The following MPRIP variants were observed in gnomAD, a reference collection of about 807,000 sequenced individuals.
MPRIP encodes myosin phosphatase Rho interacting protein.
Under a neutral mutation model 234.9 loss-of-function variants are expected in MPRIP, and 59 were observed. The observed-to-expected ratio is 0.25, with a 90% confidence interval of 0.20 to 0.31. MPRIP has a LOEUF of 0.31. Among genes scored for constraint, MPRIP ranks in the 10% least tolerant of loss-of-function variants. MPRIP has a pLI of 1.00. For missense variants in MPRIP, 2,436 were observed against 3,071.0 expected, an observed-to-expected ratio of 0.79 and a Z score of 4.89; for synonymous variants, 1,144 against 1,263.9, an observed-to-expected ratio of 0.91 and a Z score of 2.01.
At position 17,187,476 on chromosome 17, in the gene MPRIP, G is replaced by T. The variant is rs1461568785; in HGVS notation, c.*2582G>T. 1 of 152,308 alleles carries T rather than the reference G, an allele frequency of 6.6e-6. No homozygotes were observed. The highest frequency in any genetic ancestry group is 1.5e-5 in the Non-Finnish European group (1 of 68,080). 9.4% of individuals were successfully genotyped at this position (152,308 alleles called of 1,614,324 possible). On this transcript the variant is annotated 3_prime_UTR_variant, in exon 24 of 24. Coordinates refer to ENST00000651222, the MANE Select transcript of MPRIP (RefSeq NM_001364716.4). Reference sequence around the variant, plus strand: ...GACAGCCACCATCTGGGTCAAGGAAGTCTGGGTTCCCTGCTGGTGGGCTCC... The same window carrying T: ...GACAGCCACCATCTGGGTCAAGGAATTCTGGGTTCCCTGCTGGTGGGCTCC...
intron 1 of MPRIP, among the ~76,000 whole-genome samples, chr17:17,054,267 C>T (rs1348863031): frequency 2.0e-5 from 3 of 152,112 alleles, no homozygotes; most frequent in Non-Finnish European, 4.4e-5. Context: ...TAAGGCATAC[C>T]TCCTACCACC....
intron 3 of MPRIP, among the ~76,000 whole-genome samples, chr17:17,101,632 A>G (rs2089963801): frequency 6.6e-6 from 1 of 152,266 alleles, no homozygotes. Context: ...CTTCAAAGAA[A>G]AACCTTCAGC....
At chr17:17,172,153 G>A (rs1178032418) in intron 17 of MPRIP, among the ~76,000 whole-genome samples, 1 of 152,236 alleles carries the variant, frequency 6.6e-6, no homozygotes, top group East Asian at 1.9e-4. Context: ...CAAGTAGACT[G>A]ACCAGTGTCA....
In MPRIP at chr17:17,166,801, A is replaced by G. The variant is rs1307035725; in HGVS notation, c.5210A>G (p.His1737Arg). The G allele has an allele frequency of 7.7e-7, 1 of 1,304,114 alleles. No individual in the cohort carries two copies. Among genetic ancestry groups the G allele is most frequent in the East Asian group, 5.5e-5 (1 of 18,030 alleles). The allele number at this position is 1,304,114 out of a possible 1,614,324, so 80.8% of individuals were successfully genotyped here. ...VLEALRLPAG[H>R]EDGVQLSWDL... is the part of the protein sequence containing the mutation. Reference sequence around the variant, plus strand: ...GAAGCCCTCAGGCTTCCAGCGGGCCATGAAGATGGTGTTCAGCTGTCCTGG... The same window carrying G: ...GAAGCCCTCAGGCTTCCAGCGGGCCGTGAAGATGGTGTTCAGCTGTCCTGG... Residue 1737 changes from histidine (H) to arginine (R), a missense_variant, in exon 16 of 24, where the codon CAT (histidine) becomes CGT (arginine). His to Arg is a conservative substitution (Grantham distance 29, BLOSUM62 0). Coordinates refer to ENST00000651222, the MANE Select transcript of MPRIP (RefSeq NM_001364716.4). This position sits in a 1 kb window ranked among gnomAD's most constrained non-coding sequence, Gnocchi z 4.4.
Position 17,078,688 on chromosome 17 carries a change from A to G in MPRIP, c.267+612A>G, listed in dbSNP as rs1242864356. Among the ~76,000 whole-genome samples, 2 of 152,200 alleles carry G rather than the reference A, an allele frequency of 1.3e-5. No homozygotes were observed. Among genetic ancestry groups the G allele is most frequent in the African/African-American group, 4.8e-5 (2 of 41,452 alleles). On this transcript the variant is annotated intron_variant, in intron 3 of 23. Transcript: ENST00000651222. This position sits in a 1 kb window ranked among gnomAD's most constrained non-coding sequence, Gnocchi z 4.3. ...GATGAGTGTTTGCTGCTGTTGCCCC[A>G]GAGGCCAAACCTGAAAATCAACTAG...
chr17:17,177,925 A>ATTT (rs35154903), intron 22 of MPRIP, among the ~76,000 whole-genome samples: 31 of 127,260 alleles, frequency 2.4e-4, no homozygotes, highest in Middle Eastern at 4.0e-3. Flanking sequence ...CTCATACGTA[A>ATTT]TTTTTTTTTT....
intron 3 of MPRIP, among the ~76,000 whole-genome samples, chr17:17,119,594 A>G (rs1291303408): frequency 6.6e-6 from 1 of 152,200 alleles, no homozygotes; most frequent in African/African-American, 2.4e-5. Flanking sequence ...TGAAGCTGTC[A>G]TCAGTACCTG....
intron 13 of MPRIP, among the ~76,000 whole-genome samples, chr17:17,158,071 C>G (rs77151434): frequency 2.0e-3 from 311 of 152,226 alleles, no homozygotes; most frequent in Non-Finnish European, 2.5e-3. Context: ...TCCTGGGACT[C>G]CCCTGGCTCC....
chr17:17,101,393 C>T (rs957695234), intron 3 of MPRIP, among the ~76,000 whole-genome samples: 14 of 152,104 alleles, frequency 9.2e-5, no homozygotes, highest in African/African-American at 3.4e-4. Context: ...GGATGAAACC[C>T]CATCTCTACT....
intron 3 of MPRIP, among the ~76,000 whole-genome samples, chr17:17,106,974 A>G (rs908169102): frequency 6.6e-6 from 1 of 152,226 alleles, no homozygotes; most frequent in African/African-American, 2.4e-5. Context: ...AGAGGATCTC[A>G]GTTCTTAATA....
intron 5 of MPRIP, 85 bp from the exon 6 acceptor site, chr17:17,136,134 C>A: frequency 6.7e-7 from 1 of 1,490,424 alleles, no homozygotes; most frequent in South Asian, 1.2e-5. Flanking sequence ...CCGGGTGCCC[C>A]CTATAGCTAG....
At chr17:17,172,651 A>AGG (rs754188688) in intron 17 of MPRIP, 47 bp from the exon 18 acceptor site, 1 of 1,492,956 alleles carries the variant, frequency 6.7e-7, no homozygotes, top group Non-Finnish European at 9.3e-7. Flanking sequence ...CCCTGTCAGC[A>AGG]GGAAGGGCGT....
rs1183535132 is a variant in MPRIP, at chr17:17,161,276, G to A, written c.2437G>A (p.Glu813Lys). The part of the protein sequence containing the change: ...QSQKEASDLL[E>K]QNRLLQDQLR... ...CCAGAAGGAGGCCTCAGACCTTCTG[G>A]AGCAGAACCGGCTCCTGCAGGACCA... Residue 813 changes from glutamate to lysine, a missense_variant, in exon 15 of 24, where the codon GAG (glutamate) becomes AAG (lysine). By Grantham distance (56) the Glu-to-Lys change is moderately conservative (BLOSUM62 1). Coordinates refer to ENST00000651222, the MANE Select transcript of MPRIP (RefSeq NM_001364716.4). 6.2e-7 allele frequency: 1 copy of A among 1,602,532 alleles called. No homozygotes were observed. The highest frequency in any genetic ancestry group is 8.5e-7 in the Non-Finnish European group (1 of 1,172,720).
At chr17:17,168,233 A>C in intron 16 of MPRIP, 1 of 266,086 alleles carries the variant, frequency 3.8e-6, no homozygotes, top group Non-Finnish European at 7.4e-6. Context: ...GCAGCCCCCA[A>C]TCCCCTTGCC....
chr17:17,150,048 T>G, intron 11 of MPRIP, 96 bp from the exon 12 acceptor site: 9 of 870,992 alleles, frequency 1.0e-5, no homozygotes, highest in Non-Finnish European at 1.7e-5. Context: ...CTATTAAAAG[T>G]AAAGTCAGTG....
intron 1 of MPRIP, chr17:17,058,011 TC>T (rs2088757939): frequency 2.8e-6 from 1 of 350,998 alleles, no homozygotes; most frequent in African/African-American, 2.1e-5. Flanking sequence ...TTCACGCCCC[TC>T]CCCAGTGGTA....
At chr17:17,089,455 G>A (rs1270739867) in intron 3 of MPRIP, among the ~76,000 whole-genome samples, 1 of 152,106 alleles carries the variant, frequency 6.6e-6, no homozygotes, top group Non-Finnish European at 1.5e-5. Flanking sequence ...TCAGAATCTG[G>A]ATGACTTTTT....
chr17:17,165,966 G>A lies in MPRIP; in HGVS notation c.4375G>A (p.Glu1459Lys). 3 of 1,304,316 alleles carry A rather than the reference G, an allele frequency of 2.3e-6. No homozygotes were observed. Among genetic ancestry groups the A allele is most frequent in the Non-Finnish European group, 3.0e-6 (3 of 988,954 alleles). 80.8% of individuals were successfully genotyped at this position (1,304,316 alleles called of 1,614,324 possible). The change falls in exon 16 of 24, where the codon GAA (glutamate) becomes AAA (lysine). Residue 1459 changes from glutamate to lysine, a missense_variant. By Grantham distance (56) the Glu-to-Lys change is moderately conservative (BLOSUM62 1). Around this residue, in one of 4 missense-constraint regions of MPRIP, gnomAD observed 1,998 missense variants for 2,520.3 expected, o/e 0.79. Coordinates refer to ENST00000651222, the MANE Select transcript of MPRIP (RefSeq NM_001364716.4). ...QERQERARRV[E>K]GHVGELGDFQ... is the part of the protein sequence containing the mutation. ...GAGGCAGGAGAGGGCCAGGAGGGTT[G>A]AAGGGCATGTTGGAGAGCTTGGGGA...
rs952079884 is a variant in MPRIP, at chr17:17,166,146, C to T, written c.4555C>T (p.Leu1519=). 2 of 1,302,384 alleles carry T rather than the reference C, an allele frequency of 1.5e-6. No individual in the cohort carries two copies. The allele number at this position is 1,302,384 out of a possible 1,614,324, so 80.7% of individuals were successfully genotyped here. A position where few individuals can be genotyped will look rare whatever the true frequency, so the allele number is the denominator to read the frequency against. ...ESALVSAIQA[L]QHWPAPAHGG... ...TGCACTCGTCAGCGCCATCCAAGCC[C>T]TGCAGCACTGGCCGGCCCCAGCCCA... The change falls in exon 16 of 24, where the codon CTG becomes TTG. Residue 1519 remains leucine, a synonymous_variant. Transcript: ENST00000651222. The surrounding 1 kb of genome is among the most constrained non-coding windows in gnomAD (Gnocchi z 4.4).
Sources: allele counts gnomAD v4.1 joint callset (sites outside exome capture counted in the v4.1 genomes callset), GRCh38; gene constraint gnomAD v4.1.1; regional missense constraint gnomAD v4.1.1; non-coding constraint Gnocchi (gnomAD v3.1); transcripts MANE v1.5; gene names NCBI Gene and HGNC (gene_info 2026-07-23, HGNC 2026-07-21).